The following CACNA1C variants were observed in gnomAD, a reference collection of about 807,000 sequenced individuals.
CACNA1C encodes the protein voltage-dependent L-type calcium channel subunit alpha-1C.
A neutral mutation model predicts 229.0 loss-of-function variants in CACNA1C; 30 were observed. That is an observed-to-expected ratio of 0.13 (90% CI 0.10 to 0.18). The LOEUF (loss-of-function observed/expected upper bound fraction) is 0.18. CACNA1C is among the 10% of genes least tolerant of loss of function. The probability of loss-of-function intolerance (pLI) is 1.00; values close to 1 mark genes in which losing one functional copy is unlikely to be tolerated. For synonymous variants in CACNA1C, 1,114 were observed against 1,132.5 expected (o/e 0.98, Z 0.33); for missense variants, 1,658 against 2,845.0 (o/e 0.58, Z 9.49).
chr12:2,457,813 T>C (rs1027893789), intron 5 of CACNA1C, 107 bp downstream of exon 5: 1 of 1,030,872 alleles, frequency 9.7e-7, no homozygotes, highest in East Asian at 2.8e-5. Context: ...TCCATATAAA[T>C]GGAGGGGTTT....
At chr12:2,424,914 C>A (rs1290030881) in intron 3 of CACNA1C, among the ~76,000 whole-genome samples, 2 of 152,238 alleles carry the variant, frequency 1.3e-5, no homozygotes, top group African/African-American at 2.4e-5. Flanking sequence ...CTGTGGTCCT[C>A]TATTGGCCAA....
At chr12:2,686,036 C>G in intron 44 of CACNA1C, 130 bp from the exon 45 acceptor site, 1 of 879,200 alleles carries the variant, frequency 1.1e-6, no homozygotes, top group Non-Finnish European at 1.9e-6. Context: ...ACGTCTCAGA[C>G]GAGGGGAGGG....
chr12:2,343,343 TTCTC>T (rs1214050863), intron 3 of CACNA1C, among the ~76,000 whole-genome samples: 2 of 152,170 alleles, frequency 1.3e-5, no homozygotes, highest in African/African-American at 2.4e-5. Flanking sequence ...AACCTTTTTC[TTCTC>T]TCTGTCTGAA....
chr12:2,440,339 C>T (rs1206116757), intron 3 of CACNA1C, among the ~76,000 whole-genome samples: 1 of 152,144 alleles, frequency 6.6e-6, no homozygotes. Flanking sequence ...TGTGAATTTG[C>T]CTACTCTAGA....
chr12:2,456,988 C>CAGTTACG (rs947825314), intron 4 of CACNA1C, among the ~76,000 whole-genome samples: 3 of 152,248 alleles, frequency 2.0e-5, no homozygotes, highest in Non-Finnish European at 4.4e-5. Flanking sequence ...CCCTGTGTCT[C>CAGTTACG]AGTTACGTGC....
Position 2,654,594 on chromosome 12 carries a change from C to T in CACNA1C, c.4141-553C>T, listed in dbSNP as rs2095310775. ...CCCCTACTTGCTCATCGCAGAAAGA[C>T]CCAAGATTCAGTTGCCAAAACCTTT... On this transcript the variant is annotated intron_variant, in intron 33 of 46. Coordinates refer to ENST00000399655, the MANE Select transcript of CACNA1C (RefSeq NM_000719.7). This position sits in a 1 kb window ranked among gnomAD's most constrained non-coding sequence, Gnocchi z 4.4. Among the ~76,000 whole-genome samples the T allele has an allele frequency of 6.6e-6, 1 of 152,178 alleles. No homozygotes were observed. The highest frequency in any genetic ancestry group is 1.5e-5 in the Non-Finnish European group (1 of 68,026).
At chr12:2,350,395 T>G (rs1398294670) in intron 3 of CACNA1C, among the ~76,000 whole-genome samples, 1 of 151,198 alleles carries the variant, frequency 6.6e-6, no homozygotes, top group Admixed American at 6.6e-5. Context: ...GAAGTTGAGG[T>G]AGTAAACAGT....
intron 1 of CACNA1C, among the ~76,000 whole-genome samples, chr12:2,106,974 G>A (rs1326675865): frequency 2.7e-5 from 3 of 109,520 alleles, no homozygotes; most frequent in African/African-American, 9.4e-5. Context: ...CCCCGGGGAG[G>A]GTTTCCACCT....
At position 2,566,512 on chromosome 12, in the gene CACNA1C, G is replaced by A. The variant is rs376618291; in HGVS notation, c.1599G>A (p.Leu533=). Residue 533 remains leucine (L), a synonymous_variant, in exon 12 of 47, where the codon CTG becomes CTA. Coordinates refer to ENST00000399655, the MANE Select transcript of CACNA1C (RefSeq NM_000719.7). The surrounding 1 kb of genome is among the most constrained non-coding windows in gnomAD (Gnocchi z 4.0). ...SNVFYWLVIF[L]VFLNTLTIAS... Reference sequence around the variant, plus strand: ...TCTTCTACTGGCTGGTGATTTTCCTGGTGTTCCTCAACACGCTCACCATTG... The same window carrying A: ...TCTTCTACTGGCTGGTGATTTTCCTAGTGTTCCTCAACACGCTCACCATTG... 9 of 1,592,776 alleles carry A rather than the reference G, an allele frequency of 5.7e-6. No homozygotes were observed. Among genetic ancestry groups the A allele is most frequent in the Admixed American group, 5.2e-5 (3 of 57,276 alleles).
intron 5 of CACNA1C, among the ~76,000 whole-genome samples, chr12:2,462,287 A>G (rs878931244): frequency 1.4e-5 from 1 of 71,940 alleles, no homozygotes; most frequent in African/African-American, 4.9e-5. Flanking sequence ...CTTCCTCGGC[A>G]CCCCCTCGGC....
intron 1 of CACNA1C, among the ~76,000 whole-genome samples, chr12:2,115,014 C>T (rs2083276437): frequency 6.6e-6 from 1 of 152,202 alleles, no homozygotes; most frequent in Non-Finnish European, 1.5e-5. Context: ...AGTGACACGC[C>T]CAAGGTCACC....
chr12:2,304,060 G>A (rs1381615381), intron 3 of CACNA1C, among the ~76,000 whole-genome samples: 2 of 152,202 alleles, frequency 1.3e-5, no homozygotes, highest in East Asian at 1.9e-4. Flanking sequence ...TAAGAAAGCT[G>A]CAACATGTGC....
chr12:2,469,902 T>A (rs1187353150), intron 5 of CACNA1C, among the ~76,000 whole-genome samples: 1 of 152,208 alleles, frequency 6.6e-6, no homozygotes, highest in Non-Finnish European at 1.5e-5. Flanking sequence ...TTTCTTGAGA[T>A]TTAGTGAAAG....
Position 2,663,115 on chromosome 12 carries a change from G to A in CACNA1C, c.4233-1710G>A, listed in dbSNP as rs78065541. Among the ~76,000 whole-genome samples the A allele has an allele frequency of 2.0e-3, 301 of 152,064 alleles. 7 individuals carry two copies. The East Asian group carries it at 0.049, about 25-fold the overall frequency. Reference sequence around the variant, plus strand: ...GATGCAAAAAGCACAGAACATAGAGGAAAAAACTATAAATTTGACCTCATT... The same window carrying A: ...GATGCAAAAAGCACAGAACATAGAGAAAAAAACTATAAATTTGACCTCATT... On this transcript the variant is annotated intron_variant, in intron 34 of 46. Transcript: ENST00000399655.
intron 29 of CACNA1C, chr12:2,612,217 TCA>T (rs2078186785): frequency 1.8e-6 from 1 of 552,108 alleles, no homozygotes; most frequent in Non-Finnish European, 3.2e-6. Context: ...CTCTCAGCTC[TCA>T]GTGTTGACCC....
intron 7 of CACNA1C, among the ~76,000 whole-genome samples, chr12:2,500,748 A>G (rs2099757663): frequency 6.6e-6 from 1 of 152,146 alleles, no homozygotes; most frequent in African/African-American, 2.4e-5. Context: ...AACAGAACAG[A>G]CCAGTTGTTT....
rs558414430 is a variant in CACNA1C, at chr12:2,582,684, T to C, written c.2104-138T>C. 279 of 831,982 alleles carry C rather than the reference T, an allele frequency of 3.4e-4. No homozygotes were observed. The African/African-American group carries it at 4.2e-3, about 12-fold the overall frequency. 51.5% of individuals were successfully genotyped at this position (831,982 alleles called of 1,614,324 possible). A position where few individuals can be genotyped will look rare whatever the true frequency, so the allele number is the denominator to read the frequency against. On this transcript the variant is annotated intron_variant, in intron 14 of 46. Transcript: ENST00000399655. Reference sequence around the variant, plus strand: ...AGCTCAGAGCCCCTGGGGAGGAGAATTGGGGGCCAGGAGGAGGGAAAGAAG... The same window carrying C: ...AGCTCAGAGCCCCTGGGGAGGAGAACTGGGGGCCAGGAGGAGGGAAAGAAG...
At chr12:2,621,092 C>T (rs552676060) in intron 29 of CACNA1C, among the ~76,000 whole-genome samples, 5 of 152,262 alleles carry the variant, frequency 3.3e-5, no homozygotes, top group East Asian at 1.9e-4. Flanking sequence ...TCCACTTATC[C>T]GTACTTCCTT....
chr12:2,424,001 T>C (rs2099004181), intron 3 of CACNA1C, among the ~76,000 whole-genome samples: 1 of 152,128 alleles, frequency 6.6e-6, no homozygotes, highest in Admixed American at 6.5e-5. Context: ...CCTCCCCTCC[T>C]CTTGGGAGAG....
Sources: allele counts gnomAD v4.1 joint callset (sites outside exome capture counted in the v4.1 genomes callset), GRCh38; gene constraint gnomAD v4.1.1; non-coding constraint Gnocchi (gnomAD v3.1); transcripts MANE v1.5; gene names NCBI Gene and HGNC (gene_info 2026-07-23, HGNC 2026-07-21).